Variants in GJA1 observed in about 807,000 individuals in gnomAD.
GJA1 encodes the protein gap junction protein alpha 1, also known as gap junction alpha-1 protein.
GJA1 carries 9 observed loss-of-function variants against 31.0 expected under a neutral mutation model. The observed-to-expected ratio is 0.29, with a 90% CI of 0.17 to 0.51. The LOEUF (loss-of-function observed/expected upper bound fraction) is 0.51, where lower values mean the gene tolerates loss of function less well. Among genes scored for constraint, GJA1 ranks in the 20% least tolerant of loss-of-function variants. The pLI is 0.98. For missense variants in GJA1, 278 were observed against 468.8 expected, an observed-to-expected ratio of 0.59 and a Z score of 3.76; for synonymous variants, 186 against 180.1, an observed-to-expected ratio of 1.03 and a Z score of -0.26.
Position 121,449,266 on chromosome 6 carries a change from T to C in GJA1, c.*1270T>C, listed in dbSNP as rs1185979586. 2 of 167,110 alleles carry C rather than the reference T, an allele frequency of 1.2e-5. No homozygotes were observed. The highest frequency in any genetic ancestry group is 6.5e-5 in the Admixed American group (1 of 15,284). 10.4% of individuals were successfully genotyped at this position (167,110 alleles called of 1,614,324 possible). On this transcript the variant is annotated 3_prime_UTR_variant, in exon 2 of 2. Transcript: ENST00000282561. ...ACTATTAAATGTGCCTAAATGAATTTTGCAGTAACTGGTATTCTTGGGTTT... is the reference window on the plus strand; with the variant it reads ...ACTATTAAATGTGCCTAAATGAATTCTGCAGTAACTGGTATTCTTGGGTTT...
At chr6:121,442,210 CAT>C (rs1360016341) in intron 1 of GJA1, among the ~76,000 whole-genome samples, 8 of 152,158 alleles carry the variant, frequency 5.3e-5, no homozygotes, top group African/African-American at 1.9e-4. Flanking sequence ...ATTCTCAACT[CAT>C]TACATTTGTC....
Position 121,448,223 on chromosome 6 carries a change from G to A in GJA1, c.*227G>A, listed in dbSNP as rs1439053376. 3 of 592,284 alleles carry A rather than the reference G, an allele frequency of 5.1e-6. No homozygotes were observed. The highest frequency in any genetic ancestry group is 1.9e-5 in the African/African-American group (1 of 53,512). 36.7% of individuals were successfully genotyped at this position (592,284 alleles called of 1,614,324 possible). ...AGAGAGGTGCATGTTGGTATTTAAA[G>A]TAGTGGATTCAAAGAACTTAGATTA... On this transcript the variant is annotated 3_prime_UTR_variant, in exon 2 of 2. Transcript: ENST00000282561.
chr6:121,442,114 CTCTTT>C lies in GJA1; in HGVS notation c.-16-4712_-16-4708del, dbSNP rs1236348249. Among the ~76,000 whole-genome samples the C allele has an allele frequency of 3.3e-5, 5 of 152,268 alleles. No individual in the cohort carries two copies. In the East Asian group the frequency reaches 7.7e-4, roughly 24 times the overall value. ...TTCAGATATTAAAGTCCTTCACCTT[CTCTTT>C]TCTTTCAATCATAAAAAGATGCTGG... On this transcript the variant is annotated intron_variant, in intron 1 of 1. Transcript: ENST00000282561.
intron 1 of GJA1, among the ~76,000 whole-genome samples, chr6:121,441,901 G>A (rs978581308): frequency 1.3e-5 from 2 of 152,130 alleles, no homozygotes; most frequent in Non-Finnish European, 2.9e-5. Flanking sequence ...AGGGGCAGAG[G>A]TTATTATAAA....
In GJA1 at chr6:121,440,835, G is replaced by A. The variant is rs188269150; in HGVS notation, c.-17+5003G>A. Among the ~76,000 whole-genome samples the A allele has an allele frequency of 1.8e-4, 28 of 152,180 alleles. No individual in the cohort carries two copies. In the East Asian group the frequency reaches 3.7e-3, roughly 20 times the overall value. ...CTGCTCACTGCAGCCTCCGCCTCCC[G>A]GGTTCAAGCAATTCTCCTGCCTCAG... is the stretch of plus-strand genomic sequence containing the variant. On this transcript the variant is annotated intron_variant, in intron 1 of 1. Transcript: ENST00000282561.
chr6:121,436,513 A>G (rs1773665534), intron 1 of GJA1, among the ~76,000 whole-genome samples: 1 of 152,188 alleles, frequency 6.6e-6, no homozygotes, highest in Non-Finnish European at 1.5e-5. Context: ...TGTGTTAGCA[A>G]CCGCTATGGA....
chr6:121,447,294 G>A lies in GJA1; in HGVS notation c.447G>A (p.Gly149=), dbSNP rs767304985. The change falls in exon 2 of 2, where the codon GGG becomes GGA. Residue 149 remains glycine (G), a synonymous_variant. Transcript: ENST00000282561. ...AGCATGGTAAGGTGAAAATGCGAGG[G>A]GGGTTGCTGCGAACCTACATCATCA... ...IEEHGKVKMR[G]GLLRTYIISI... is the part of the protein sequence containing the mutation. The A allele has an allele frequency of 6.2e-7, 1 of 1,614,072 alleles. No individual in the cohort carries two copies. The highest frequency in any genetic ancestry group is 8.5e-7 in the Non-Finnish European group (1 of 1,179,966).
At chr6:121,439,021 G>T (rs1235379993) in intron 1 of GJA1, among the ~76,000 whole-genome samples, 1 of 151,662 alleles carries the variant, frequency 6.6e-6, no homozygotes, top group Non-Finnish European at 1.5e-5. Context: ...TCGTCAGCTG[G>T]GCATGATGGC....
At position 121,447,487 on chromosome 6, in the gene GJA1, C is replaced by T; in HGVS notation, c.640C>T (p.Leu214=). The T allele has an allele frequency of 6.2e-7, 1 of 1,614,018 alleles. No individual in the cohort carries two copies. The part of the protein sequence containing the change: ...TEKTIFIIFM[L]VVSLVSLALN... ...GAAAACCATCTTCATCATCTTCATGCTGGTGGTGTCCTTGGTGTCCCTGGC... is the reference window on the plus strand; with the variant it reads ...GAAAACCATCTTCATCATCTTCATGTTGGTGGTGTCCTTGGTGTCCCTGGC... The change falls in exon 2 of 2, where the codon CTG becomes TTG. Residue 214 remains leucine, a synonymous_variant. Transcript: ENST00000282561.
At chr6:121,445,094 C>T (rs1773863770) in intron 1 of GJA1, among the ~76,000 whole-genome samples, 1 of 152,162 alleles carries the variant, frequency 6.6e-6, no homozygotes, top group South Asian at 2.1e-4. Flanking sequence ...AATGGATAAT[C>T]GGCAATTAGA....
In GJA1 at chr6:121,445,670, T is replaced by C. The variant is rs1582557326; in HGVS notation, c.-16-1162T>C. 3.9e-5 allele frequency among the ~76,000 whole-genome samples: 6 copies of C among 152,312 alleles called. 1 individual carries two copies. Among genetic ancestry groups the C allele is most frequent in the Admixed American group, 3.9e-4 (6 of 15,296 alleles). On this transcript the variant is annotated intron_variant, in intron 1 of 1. Coordinates refer to ENST00000282561, the MANE Select transcript of GJA1 (RefSeq NM_000165.5). ...TTTTTTAATAAGGCTGTGAGTAGTA[T>C]TGAGACAAAATGAACTTTTTACATG... is the stretch of plus-strand genomic sequence containing the variant.
chr6:121,441,462 A>G (rs1450767820), intron 1 of GJA1, among the ~76,000 whole-genome samples: 1 of 152,214 alleles, frequency 6.6e-6, no homozygotes, highest in Non-Finnish European at 1.5e-5. Flanking sequence ...TAAGGAAGAC[A>G]AATAATAAAT....
chr6:121,436,747 G>A (rs1773669960), intron 1 of GJA1, among the ~76,000 whole-genome samples: 3 of 152,120 alleles, frequency 2.0e-5, no homozygotes, highest in African/African-American at 7.2e-5. Flanking sequence ...AGCTCCCCCC[G>A]CCAACACCCG....
At chr6:121,437,065 A>G (rs1292089011) in intron 1 of GJA1, among the ~76,000 whole-genome samples, 1 of 152,234 alleles carries the variant, frequency 6.6e-6, no homozygotes, top group Non-Finnish European at 1.5e-5. Context: ...TAAAAATGAA[A>G]GCTTTGCGGA....
At chr6:121,437,354 C>T (rs1292538663) in intron 1 of GJA1, among the ~76,000 whole-genome samples, 3 of 133,998 alleles carry the variant, frequency 2.2e-5, no homozygotes, top group Non-Finnish European at 3.3e-5. Flanking sequence ...CACACCAGCC[C>T]TTTTTTTTTT....
chr6:121,445,650 T>A (rs567844925), intron 1 of GJA1, among the ~76,000 whole-genome samples: 16 of 152,342 alleles, frequency 1.1e-4, no homozygotes, highest in African/African-American at 3.8e-4. Flanking sequence ...GTTTGTTTTT[T>A]AATAAGGCTG....
chr6:121,438,993 A>G (rs1773717884), intron 1 of GJA1, among the ~76,000 whole-genome samples: 1 of 152,110 alleles, frequency 6.6e-6, no homozygotes, highest in South Asian at 2.1e-4. Flanking sequence ...ATAATATTTT[A>G]AGAAAAATAT....
chr6:121,449,503 A>G lies in GJA1; in HGVS notation c.*1507A>G, dbSNP rs567727782. On this transcript the variant is annotated 3_prime_UTR_variant, in exon 2 of 2. Coordinates refer to ENST00000282561, the MANE Select transcript of GJA1 (RefSeq NM_000165.5). ...TCTCCAAATGCCTTTTTTAAAACTC[A>G]TCACAGAAGATTGGTGAAAATGCTG... 3 of 167,228 alleles carry G rather than the reference A, an allele frequency of 1.8e-5. No homozygotes were observed. Among genetic ancestry groups the G allele is most frequent in the East Asian group, 3.9e-4 (2 of 5,188 alleles). The allele number at this position is 167,228 out of a possible 1,614,324, so 10.4% of individuals were successfully genotyped here.
intron 1 of GJA1, among the ~76,000 whole-genome samples, chr6:121,436,457 A>G (rs897767357): frequency 3.3e-5 from 5 of 152,212 alleles, no homozygotes; most frequent in African/African-American, 1.2e-4. Flanking sequence ...ATAAAATTCA[A>G]GAGTATTAAT....
Sources: allele counts gnomAD v4.1 joint callset (sites outside exome capture counted in the v4.1 genomes callset), GRCh38; gene constraint gnomAD v4.1.1; transcripts MANE v1.5; gene names NCBI Gene and HGNC (gene_info 2026-07-23, HGNC 2026-07-21).